TGFA: variants seen among roughly 807,000 people sequenced by gnomAD.
The protein encoded by TGFA is protransforming growth factor alpha.
Under a neutral mutation model 21.7 loss-of-function variants are expected in TGFA, and 12 were observed. That is an observed-to-expected ratio of 0.55 (90% CI 0.35 to 0.90). The LOEUF (loss-of-function observed/expected upper bound fraction) is 0.90. Among genes scored for constraint, TGFA ranks in the 40% least tolerant of loss-of-function variants. The pLI is 0.01. For synonymous variants in TGFA, 79 were observed against 88.1 expected, an observed-to-expected ratio of 0.90 and a Z score of 0.58; for missense variants, 178 against 210.8, an observed-to-expected ratio of 0.84 and a Z score of 0.96.
intron 2 of TGFA, among the ~76,000 whole-genome samples, chr2:70,512,618 C>A (rs1388984788): frequency 6.6e-6 from 1 of 152,236 alleles, no homozygotes; most frequent in East Asian, 1.9e-4. Flanking sequence ...TTGTTCACGA[C>A]TGCAAAAAGA....
In TGFA at chr2:70,545,720, G is replaced by T. The variant is rs573487490; in HGVS notation, c.40+8008C>A. On this transcript the variant is annotated intron_variant, in intron 1 of 5. Transcript: ENST00000295400. Reference sequence around the variant, plus strand: ...AGGTTTTCCTAAATATATAAGTAAAGGTAGAACACTAATGGGGAAAGATGC... The same window carrying T: ...AGGTTTTCCTAAATATATAAGTAAATGTAGAACACTAATGGGGAAAGATGC... 4.6e-5 allele frequency among the ~76,000 whole-genome samples: 7 copies of T among 152,106 alleles called. No individual in the cohort carries two copies. In the East Asian group the frequency reaches 1.3e-3, roughly 29 times the overall value.
At chr2:70,523,483 TC>T (rs1553502588) in intron 1 of TGFA, among the ~76,000 whole-genome samples, 1 of 152,154 alleles carries the variant, frequency 6.6e-6, no homozygotes. Context: ...TTCTACCTAG[TC>T]CGGGTCTCTT....
chr2:70,552,999 C>T (rs998288681), intron 1 of TGFA, among the ~76,000 whole-genome samples: 20 of 152,244 alleles, frequency 1.3e-4, no homozygotes, highest in African/African-American at 4.8e-4. Context: ...CAGACCCGAC[C>T]CGGGAGAGGG....
At chr2:70,488,060 G>A (rs1200278051) in intron 2 of TGFA, among the ~76,000 whole-genome samples, 12 of 152,124 alleles carry the variant, frequency 7.9e-5, no homozygotes, top group Admixed American at 5.9e-4. Context: ...ATTTCTTGAT[G>A]TAGATTTTTT....
At chr2:70,538,924 A>G (rs1449069731) in intron 1 of TGFA, among the ~76,000 whole-genome samples, 2 of 152,252 alleles carry the variant, frequency 1.3e-5, no homozygotes, top group African/African-American at 4.8e-5. Flanking sequence ...GGAAGAATCA[A>G]TTAGCATGGC....
chr2:70,547,497 C>T (rs950631726), intron 1 of TGFA, among the ~76,000 whole-genome samples: 2 of 149,192 alleles, frequency 1.3e-5, no homozygotes, highest in African/African-American at 4.9e-5. Flanking sequence ...GAGCCTAGAT[C>T]GTGCCACTGC....
At chr2:70,546,724 T>C (rs1282416825) in intron 1 of TGFA, among the ~76,000 whole-genome samples, 1 of 152,008 alleles carries the variant, frequency 6.6e-6, no homozygotes, top group Non-Finnish European at 1.5e-5. Flanking sequence ...TATCTGGCCA[T>C]CTTTGATCCA....
intron 2 of TGFA, among the ~76,000 whole-genome samples, chr2:70,474,393 C>T (rs1670862594): frequency 6.6e-6 from 1 of 152,238 alleles, no homozygotes; most frequent in African/African-American, 2.4e-5. Context: ...TGAGAAGGCA[C>T]ATGATCCCAA....
intron 3 of TGFA, among the ~76,000 whole-genome samples, chr2:70,459,607 C>T (rs1292184484): frequency 6.6e-6 from 1 of 152,222 alleles, no homozygotes; most frequent in Non-Finnish European, 1.5e-5. Flanking sequence ...TGCCCCCAGA[C>T]AGTGCCGTCT....
chr2:70,539,172 G>A (rs1182852273), intron 1 of TGFA, among the ~76,000 whole-genome samples: 1 of 152,174 alleles, frequency 6.6e-6, no homozygotes, highest in Non-Finnish European at 1.5e-5. Context: ...ACAGTATAGT[G>A]TAAACATAAC....
At chr2:70,463,164 G>C (rs947135690) in intron 3 of TGFA, among the ~76,000 whole-genome samples, 7 of 152,168 alleles carry the variant, frequency 4.6e-5, no homozygotes, top group African/African-American at 1.4e-4. Flanking sequence ...CTGAACCCCA[G>C]CTTTCTCACT....
At position 70,492,379 on chromosome 2, in the gene TGFA, C is replaced by T. The variant is rs1242581111; in HGVS notation, c.94+22480G>A. Among the ~76,000 whole-genome samples the T allele has an allele frequency of 2.0e-5, 3 of 152,298 alleles. No individual in the cohort carries two copies. In the South Asian group the frequency reaches 6.2e-4, roughly 32 times the overall value. On this transcript the variant is annotated intron_variant, in intron 2 of 5. Transcript: ENST00000295400. Reference sequence around the variant, plus strand: ...TGGATCATGGTCAATCGAGCATGGCCCTGACATCTTCTCAGCTGGACTGTG... The same window carrying T: ...TGGATCATGGTCAATCGAGCATGGCTCTGACATCTTCTCAGCTGGACTGTG...
chr2:70,507,847 T>A (rs1349334185), intron 2 of TGFA, among the ~76,000 whole-genome samples: 3 of 152,236 alleles, frequency 2.0e-5, no homozygotes, highest in Non-Finnish European at 4.4e-5. Context: ...TACTCTCCAT[T>A]TCTTTGCTAA....
intron 1 of TGFA, among the ~76,000 whole-genome samples, chr2:70,528,781 C>T (rs1185736888): frequency 6.6e-6 from 1 of 152,190 alleles, no homozygotes; most frequent in Non-Finnish European, 1.5e-5. Context: ...CTAAGAGTTA[C>T]TACAAGGGTA....
chr2:70,549,278 G>T (rs1553506435), intron 1 of TGFA, among the ~76,000 whole-genome samples: 1 of 152,200 alleles, frequency 6.6e-6, no homozygotes, highest in African/African-American at 2.4e-5. Context: ...GCCTTTAATA[G>T]TAGCTTGTAA....
intron 5 of TGFA, among the ~76,000 whole-genome samples, chr2:70,451,392 C>G (rs1670054810): frequency 6.6e-6 from 1 of 152,222 alleles, no homozygotes; most frequent in Non-Finnish European, 1.5e-5. Context: ...AGGTCCTTGC[C>G]ATGGTTCTTC....
intron 2 of TGFA, among the ~76,000 whole-genome samples, chr2:70,498,220 A>G (rs3771494): frequency 0.31 from 46,979 of 152,216 alleles, 8,820 homozygotes; most frequent in African/African-American, 0.51. Flanking sequence ...GAGTGCTGCT[A>G]AATCTGCCAT....
chr2:70,456,768 A>G (rs1559097780), intron 3 of TGFA, among the ~76,000 whole-genome samples: 1 of 152,244 alleles, frequency 6.6e-6, no homozygotes. Flanking sequence ...GACTGTGCCA[A>G]ATCCTGGAGG....
intron 1 of TGFA, among the ~76,000 whole-genome samples, chr2:70,547,842 G>T (rs1380005877): frequency 1.4e-5 from 2 of 146,540 alleles, no homozygotes; most frequent in African/African-American, 5.0e-5. Flanking sequence ...GATATATATA[G>T]AGATATATAT....
Sources: allele counts gnomAD v4.1 joint callset (sites outside exome capture counted in the v4.1 genomes callset), GRCh38; gene constraint gnomAD v4.1.1; transcripts MANE v1.5; gene names NCBI Gene and HGNC (gene_info 2026-07-23, HGNC 2026-07-21).